ATF2: variants seen among roughly 807,000 people sequenced by gnomAD.
The protein encoded by ATF2 is activating transcription factor 2.
Under a neutral mutation model 60.6 loss-of-function variants are expected in ATF2, and 24 were observed. The ratio of observed to expected loss-of-function variants is 0.40; its 90% CI spans 0.29 to 0.56. The LOEUF is 0.56. Among genes scored for constraint, ATF2 ranks in the 20% least tolerant of loss-of-function variants. The pLI is 0.54. For missense variants in ATF2, 433 were observed against 607.7 expected, an observed-to-expected ratio of 0.71 and a Z score of 3.02; for synonymous variants, 206 against 215.4, an observed-to-expected ratio of 0.96 and a Z score of 0.38.
chr2:175,102,836 TTAAAG>T (rs1193086804), intron 10 of ATF2, among the ~76,000 whole-genome samples: 4 of 151,584 alleles, frequency 2.6e-5, no homozygotes, highest in Non-Finnish European at 5.9e-5. Context: ...TAATTTTAAT[TTAAAG>T]TAAAGGTAGA....
intron 13 of ATF2, 108 bp from the exon 14 acceptor site, chr2:175,074,943 G>T: frequency 6.5e-7 from 1 of 1,534,812 alleles, no homozygotes. Flanking sequence ...TTACAAAACT[G>T]ATTAGACAAG....
chr2:175,134,347 C>T (rs1432705033), intron 3 of ATF2, among the ~76,000 whole-genome samples: 2 of 151,812 alleles, frequency 1.3e-5, no homozygotes, highest in Admixed American at 1.3e-4. Flanking sequence ...TCAGGAGATC[C>T]TGGATCCAAT....
At chr2:175,135,371 A>G (rs1698065985) in intron 3 of ATF2, among the ~76,000 whole-genome samples, 1 of 152,184 alleles carries the variant, frequency 6.6e-6, no homozygotes, top group African/African-American at 2.4e-5. Flanking sequence ...CTCCAACTAC[A>G]AGGAAATTCA....
At chr2:175,108,597 T>C (rs1416648737) in intron 10 of ATF2, among the ~76,000 whole-genome samples, 6 of 149,230 alleles carry the variant, frequency 4.0e-5, no homozygotes, top group Non-Finnish European at 8.9e-5. Flanking sequence ...GTCCGGGAGG[T>C]GGGGGGCGCC....
At position 175,097,423 on chromosome 2, in the gene ATF2, T is replaced by A. The variant is rs370482532; in HGVS notation, c.978+21A>T. The A allele has an allele frequency of 9.9e-6, 16 of 1,611,990 alleles. No individual in the cohort carries two copies. In the African/African-American group the frequency reaches 2.0e-4, roughly 20 times the overall value. On this transcript the variant is annotated intron_variant, in intron 11 of 13. Transcript: ENST00000264110. ...TGTTTAAAGATGACAGAGTGCTGAA[T>A]AATAAAAACAACACACATACCGGAG...
At chr2:175,114,941 C>T (rs1049614306) in intron 7 of ATF2, 73 bp from the exon 8 acceptor site, 4 of 1,440,864 alleles carry the variant, frequency 2.8e-6, no homozygotes, top group Admixed American at 4.0e-5. Flanking sequence ...CAGAATGTAA[C>T]ACACTTCTAA....
chr2:175,117,278 ATT>A (rs2105701933), intron 7 of ATF2, among the ~76,000 whole-genome samples: 1 of 152,014 alleles, frequency 6.6e-6, no homozygotes, highest in African/African-American at 2.4e-5. Flanking sequence ...CCAAAAAGTT[ATT>A]TTTTCTGTAT....
At position 175,167,988 on chromosome 2, in the gene ATF2, G is replaced by T. The variant is rs1700486053; in HGVS notation, c.-143+62C>A. The T allele has an allele frequency of 1.5e-5, 5 of 326,536 alleles. No homozygotes were observed. In the Admixed American group the frequency reaches 1.9e-4, roughly 13 times the overall value. The allele number at this position is 326,536 out of a possible 1,614,324, so 20.2% of individuals were successfully genotyped here. ...TGCTGAGCGACGTCGCCATGTTAGCGCCTTCTTTCTCCGTATCCCTACAGT... is the reference window on the plus strand; with the variant it reads ...TGCTGAGCGACGTCGCCATGTTAGCTCCTTCTTTCTCCGTATCCCTACAGT... On this transcript the variant is annotated intron_variant, in intron 1 of 13. Coordinates refer to ENST00000264110, the MANE Select transcript of ATF2 (RefSeq NM_001880.4).
At chr2:175,133,576 G>C (rs1237112063) in intron 3 of ATF2, among the ~76,000 whole-genome samples, 2 of 152,174 alleles carry the variant, frequency 1.3e-5, no homozygotes, top group Non-Finnish European at 2.9e-5. Context: ...TTTGGGAAAT[G>C]TTGAATGTGT....
At chr2:175,075,058 C>A in intron 13 of ATF2, 1 of 1,401,160 alleles carries the variant, frequency 7.1e-7, no homozygotes, top group Non-Finnish European at 9.3e-7. Flanking sequence ...GTGCCCACTG[C>A]CTTATGGAAT....
chr2:175,110,522 C>A (rs1271395544), intron 10 of ATF2, among the ~76,000 whole-genome samples: 1 of 152,098 alleles, frequency 6.6e-6, no homozygotes, highest in Non-Finnish European at 1.5e-5. Context: ...AGAACGTTAA[C>A]ATCTACCCAA....
intron 3 of ATF2, among the ~76,000 whole-genome samples, chr2:175,135,291 A>C (rs1698060498): frequency 6.6e-6 from 1 of 152,154 alleles, no homozygotes; most frequent in African/African-American, 2.4e-5. Context: ...TTAAATTAAC[A>C]CCAAAGGTTG....
At chr2:175,097,299 C>G in intron 11 of ATF2, 145 bp downstream of exon 11, 1 of 1,133,728 alleles carries the variant, frequency 8.8e-7, no homozygotes, top group Non-Finnish European at 1.2e-6. Flanking sequence ...TACTTGTATA[C>G]TGAGCTACCT....
chr2:175,124,257 T>A (rs536748731), intron 4 of ATF2, among the ~76,000 whole-genome samples: 1 of 147,858 alleles, frequency 6.8e-6, no homozygotes, highest in African/African-American at 2.5e-5. Context: ...CTTGAGTATA[T>A]AGCTCAATAA....
chr2:175,132,032 A>G (rs1697765310), intron 3 of ATF2, among the ~76,000 whole-genome samples: 1 of 152,228 alleles, frequency 6.6e-6, no homozygotes, highest in Non-Finnish European at 1.5e-5. Context: ...TTAACAGAGT[A>G]TAACACAGCT....
At chr2:175,133,320 AAGG>A (rs1266118933) in intron 3 of ATF2, among the ~76,000 whole-genome samples, 2 of 152,086 alleles carry the variant, frequency 1.3e-5, no homozygotes, top group African/African-American at 4.8e-5. Context: ...AATGGAAAAG[AAGG>A]AGTACAGAAA....
intron 3 of ATF2, among the ~76,000 whole-genome samples, chr2:175,131,641 A>C (rs182582131): frequency 2.6e-5 from 4 of 152,328 alleles, no homozygotes; most frequent in Admixed American, 2.6e-4. Flanking sequence ...AGTGCTTCTT[A>C]AATGTTTACA....
intron 3 of ATF2, among the ~76,000 whole-genome samples, chr2:175,131,273 T>C (rs1414624692): frequency 2.6e-5 from 4 of 152,238 alleles, no homozygotes; most frequent in Non-Finnish European, 5.9e-5. Context: ...TTCTGGTTTC[T>C]AGTCCAACAC....
At chr2:175,114,397 T>C (rs565200837) in intron 8 of ATF2, 1 of 1,250,072 alleles carries the variant, frequency 8.0e-7, no homozygotes, top group African/African-American at 1.5e-5. Context: ...CAGTAAGAAC[T>C]GAAAGAAATG....
Sources: gnomAD v4.1 joint callset for allele counts (sites outside exome capture counted in the v4.1 genomes callset) on GRCh38, gnomAD v4.1.1 for gene constraint, MANE v1.5 for transcripts, NCBI Gene and HGNC (gene_info 2026-07-23, HGNC 2026-07-21) for gene names.